Variants in SRRM4 observed in about 807,000 individuals in gnomAD.
SRRM4 encodes serine/arginine repetitive matrix 4.
SRRM4 carries 33 observed loss-of-function variants against 68.9 expected under a neutral mutation model. The observed-to-expected ratio is 0.48, with a 90% CI of 0.36 to 0.64. The LOEUF (loss-of-function observed/expected upper bound fraction) is 0.64, where lower values mean the gene tolerates loss of function less well. SRRM4 is among the 30% of genes least tolerant of loss of function. SRRM4 has a pLI of 0.00. For synonymous variants in SRRM4, 318 were observed against 318.8 expected, an observed-to-expected ratio of 1.00 and a Z score of 0.03; for missense variants, 817 against 827.1, an observed-to-expected ratio of 0.99 and a Z score of 0.15.
chr12:119,146,341 C>T lies in SRRM4; in HGVS notation c.1076+656C>T, dbSNP rs1043365639. Reference sequence around the variant, plus strand: ...GTGGCTCACACCTGTAATCCCAGCACTTTGGGAGGCCGAGGCGGGTGGATC... The same window carrying T: ...GTGGCTCACACCTGTAATCCCAGCATTTTGGGAGGCCGAGGCGGGTGGATC... On this transcript the variant is annotated intron_variant, in intron 9 of 12. Coordinates refer to ENST00000267260, the MANE Select transcript of SRRM4 (RefSeq NM_194286.4). Among the ~76,000 whole-genome samples the T allele has an allele frequency of 2.0e-5, 3 of 152,246 alleles. No individual in the cohort carries two copies. In the East Asian group the frequency reaches 5.8e-4, roughly 29 times the overall value.
intron 6 of SRRM4, among the ~76,000 whole-genome samples, chr12:119,122,935 C>G (rs1422527073): frequency 6.6e-6 from 1 of 152,196 alleles, no homozygotes; most frequent in Non-Finnish European, 1.5e-5. Context: ...CAGTTTATAG[C>G]TGGTAGTAGA....
intron 1 of SRRM4, among the ~76,000 whole-genome samples, chr12:119,075,942 TG>T (rs557488933): frequency 0.14 from 20,907 of 150,804 alleles, 1,637 homozygotes; most frequent in East Asian, 0.2. Context: ...ATGGTGATGA[TG>T]ATGGTGGTAA....
At chr12:119,080,255 A>G (rs1212318092) in intron 1 of SRRM4, among the ~76,000 whole-genome samples, 1 of 152,022 alleles carries the variant, frequency 6.6e-6, no homozygotes, top group Non-Finnish European at 1.5e-5. Context: ...CCTTAACCAC[A>G]CTGTGCCTCA....
intron 12 of SRRM4, among the ~76,000 whole-genome samples, chr12:119,156,147 C>T (rs1248603493): frequency 6.6e-6 from 1 of 152,144 alleles, no homozygotes; most frequent in Non-Finnish European, 1.5e-5. Context: ...GAAAATTAGC[C>T]TCTTTTGCCA....
intron 1 of SRRM4, among the ~76,000 whole-genome samples, chr12:119,076,345 T>G (rs779908816): frequency 3.9e-5 from 6 of 152,066 alleles, no homozygotes; most frequent in Non-Finnish European, 1.5e-5. Flanking sequence ...AAAATGGCTT[T>G]GAGAGGGTTA....
rs75373925 is a variant in SRRM4, at chr12:119,068,495, G to T, written c.132-33741G>T. ...CCTTCAGCAAGCAAAGAGAAGAGCT[G>T]GGCAGCTGCAGTGAGGGTGGGGGCG... On this transcript the variant is annotated intron_variant, in intron 1 of 12. Coordinates refer to ENST00000267260, the MANE Select transcript of SRRM4 (RefSeq NM_194286.4). Among the ~76,000 whole-genome samples, 1,343 of 152,258 alleles carry T rather than the reference G, an allele frequency of 8.8e-3. 21 individuals are homozygous for T. Among genetic ancestry groups the T allele is most frequent in the African/African-American group, 0.031 (1,274 of 41,558 alleles).
intron 1 of SRRM4, among the ~76,000 whole-genome samples, chr12:118,994,446 C>G (rs1158958682): frequency 6.6e-6 from 1 of 152,068 alleles, no homozygotes; most frequent in Non-Finnish European, 1.5e-5. Flanking sequence ...TTTCAGCCAC[C>G]CTGATGTTTA....
intron 1 of SRRM4, among the ~76,000 whole-genome samples, chr12:119,086,701 T>G (rs779676905): frequency 9.9e-5 from 15 of 152,172 alleles, no homozygotes; most frequent in Admixed American, 2.6e-4. Flanking sequence ...TTCTTATCTG[T>G]ATCAGCCATA....
intron 1 of SRRM4, among the ~76,000 whole-genome samples, chr12:119,092,662 G>A (rs952014378): frequency 2.6e-5 from 4 of 151,984 alleles, no homozygotes; most frequent in African/African-American, 4.8e-5. Flanking sequence ...CCCAGCCACC[G>A]TCTTCTTCAT....
chr12:119,094,908 A>G (rs1954034255), intron 1 of SRRM4, among the ~76,000 whole-genome samples: 2 of 152,244 alleles, frequency 1.3e-5, no homozygotes, highest in South Asian at 4.1e-4. Context: ...CTGTTGAGTA[A>G]TGAATGAAAT....
intron 8 of SRRM4, chr12:119,133,257 G>C (rs1243015088): frequency 6.6e-6 from 1 of 152,194 alleles, no homozygotes; most frequent in African/African-American, 2.4e-5. Context: ...GCTGCATAAT[G>C]CTTACTGCTT....
At chr12:119,153,866 A>T (rs950506306) in intron 11 of SRRM4, among the ~76,000 whole-genome samples, 3 of 152,056 alleles carry the variant, frequency 2.0e-5, no homozygotes, top group African/African-American at 7.2e-5. Flanking sequence ...TCCCGCAGAC[A>T]TACCCCAGAA....
chr12:119,070,665 C>A (rs1953872784), intron 1 of SRRM4, among the ~76,000 whole-genome samples: 1 of 152,084 alleles, frequency 6.6e-6, no homozygotes, highest in African/African-American at 2.4e-5. Context: ...GGTCACCAAA[C>A]CAGCATGAGA....
At chr12:118,998,921 A>G (rs1565886340) in intron 1 of SRRM4, among the ~76,000 whole-genome samples, 1 of 152,188 alleles carries the variant, frequency 6.6e-6, no homozygotes, top group Non-Finnish European at 1.5e-5. Flanking sequence ...ACTGCTCAAG[A>G]CAGTGGTTTG....
chr12:119,034,388 T>C (rs1953612963), intron 1 of SRRM4, among the ~76,000 whole-genome samples: 1 of 152,190 alleles, frequency 6.6e-6, no homozygotes, highest in South Asian at 2.1e-4. Flanking sequence ...CACTCTTCCT[T>C]GTTGAAGATG....
At chr12:119,091,347 TTGG>T (rs1312067549) in intron 1 of SRRM4, among the ~76,000 whole-genome samples, 1 of 152,152 alleles carries the variant, frequency 6.6e-6, no homozygotes, top group African/African-American at 2.4e-5. Context: ...GCCACTCAGC[TTGG>T]TGGTAGGAAG....
At chr12:118,993,511 G>T (rs918778061) in intron 1 of SRRM4, among the ~76,000 whole-genome samples, 3 of 152,220 alleles carry the variant, frequency 2.0e-5, no homozygotes, top group Non-Finnish European at 4.4e-5. Flanking sequence ...GCCTTAGGAA[G>T]AAACACCATG....
At position 119,055,770 on chromosome 12, in the gene SRRM4, C is replaced by T. The variant is rs529566189; in HGVS notation, c.132-46466C>T. 3.9e-5 allele frequency among the ~76,000 whole-genome samples: 6 copies of T among 152,202 alleles called. No individual in the cohort carries two copies. The South Asian group carries it at 1.2e-3, about 32-fold the overall frequency. ...AGCAGGACCATGGCAAGTCACTTAA[C>T]CTCTCTGAACTTCAGTTTCCTCACC... On this transcript the variant is annotated intron_variant, in intron 1 of 12. Transcript: ENST00000267260.
intron 1 of SRRM4, among the ~76,000 whole-genome samples, chr12:119,068,143 G>A (rs545838888): frequency 6.6e-5 from 10 of 152,218 alleles, no homozygotes; most frequent in South Asian, 4.2e-4. Context: ...GCCCCTTCTC[G>A]TCTTGGCTTT....
Sources: gnomAD v4.1 joint callset for allele counts (sites outside exome capture counted in the v4.1 genomes callset) on GRCh38, gnomAD v4.1.1 for gene constraint, MANE v1.5 for transcripts, NCBI Gene and HGNC (gene_info 2026-07-23, HGNC 2026-07-21) for gene names.